Variants in RBFOX1 observed in about 807,000 individuals in gnomAD.
RBFOX1 encodes RNA binding protein fox-1 homolog 1.
In RBFOX1, 8 loss-of-function variants were observed where a neutral mutation model predicts 57.7. That is an observed-to-expected ratio of 0.14 (90% CI 0.08 to 0.25). The LOEUF is 0.25. Among genes scored for constraint, RBFOX1 ranks in the 10% least tolerant of loss-of-function variants. The pLI is 1.00. For synonymous variants in RBFOX1, 326 were observed against 222.4 expected, an observed-to-expected ratio of 1.47 and a Z score of -4.15; for missense variants, 611 against 548.5, an observed-to-expected ratio of 1.11 and a Z score of -1.14.
intron 1 of RBFOX1, among the ~76,000 whole-genome samples, chr16:6,100,575 A>G (rs2096294040): frequency 6.6e-6 from 1 of 152,238 alleles, no homozygotes; most frequent in Non-Finnish European, 1.5e-5. Flanking sequence ...AAAGTTCAAG[A>G]TGATCAGTTT....
chr16:5,275,286 A>T (rs868236171), intron 1 of RBFOX1, among the ~76,000 whole-genome samples: 38 of 152,316 alleles, frequency 2.5e-4, no homozygotes, highest in African/African-American at 8.4e-4. Flanking sequence ...AACATTGATC[A>T]TTTCTTTGTG....
At chr16:7,169,135 G>A (rs1340165151) in intron 4 of RBFOX1, among the ~76,000 whole-genome samples, 2 of 152,176 alleles carry the variant, frequency 1.3e-5, no homozygotes, top group African/African-American at 4.8e-5. Context: ...CACCTATTAA[G>A]AAGGCAACAC....
chr16:5,989,163 A>AT (rs2060339136), intron 4 of RBFOX1, among the ~76,000 whole-genome samples: 1 of 151,670 alleles, frequency 6.6e-6, no homozygotes, highest in Admixed American at 6.6e-5. Flanking sequence ...TACTAAAAAA[A>AT]AAAAAAAAAT....
intron 4 of RBFOX1, among the ~76,000 whole-genome samples, chr16:7,154,383 A>G (rs528001381): frequency 6.6e-6 from 1 of 152,318 alleles, no homozygotes; most frequent in Admixed American, 6.5e-5. Flanking sequence ...AGTGTGACAC[A>G]CATTTCATGT....
chr16:7,295,535 C>T (rs2095871773), intron 4 of RBFOX1, among the ~76,000 whole-genome samples: 1 of 152,066 alleles, frequency 6.6e-6, no homozygotes, highest in African/African-American at 2.4e-5. Context: ...TATCATTATT[C>T]TCCTTAGAAT....
intron 4 of RBFOX1, among the ~76,000 whole-genome samples, chr16:7,213,290 G>C (rs1300325647): frequency 6.6e-6 from 1 of 152,132 alleles, no homozygotes; most frequent in Admixed American, 6.5e-5. Flanking sequence ...CATTCGCTGA[G>C]GTTGCCTTAA....
At chr16:5,406,792 A>G (rs1383319391) in intron 1 of RBFOX1, among the ~76,000 whole-genome samples, 1 of 152,136 alleles carries the variant, frequency 6.6e-6, no homozygotes, top group Non-Finnish European at 1.5e-5. Flanking sequence ...GTGAACTCTC[A>G]TGAATACAAT....
chr16:6,424,605 C>CTG (rs1228638690), intron 2 of RBFOX1, among the ~76,000 whole-genome samples: 57 of 14,278 alleles, frequency 4.0e-3, no homozygotes, highest in African/African-American at 9.7e-3. Context: ...CTTAAGAGCA[C>CTG]TGTGTGTGTG....
chr16:6,911,883 C>G (rs372297425), intron 3 of RBFOX1, among the ~76,000 whole-genome samples: 2 of 152,192 alleles, frequency 1.3e-5, no homozygotes, highest in Admixed American at 6.5e-5. Context: ...TATCATAGTA[C>G]AGGTGGTCTT....
At chr16:6,690,704 A>T (rs1265218131) in intron 3 of RBFOX1, among the ~76,000 whole-genome samples, 2 of 151,622 alleles carry the variant, frequency 1.3e-5, no homozygotes, top group Non-Finnish European at 2.9e-5. Context: ...AATCAAAAAC[A>T]ATATTTCTAA....
chr16:7,546,242 G>A (rs907176219), intron 5 of RBFOX1, among the ~76,000 whole-genome samples: 4 of 151,948 alleles, frequency 2.6e-5, no homozygotes, highest in South Asian at 2.1e-4. Context: ...TGGGAGAATC[G>A]TTTGAACCCG....
At chr16:5,881,690 T>G (rs2057767485) in intron 4 of RBFOX1, among the ~76,000 whole-genome samples, 1 of 152,042 alleles carries the variant, frequency 6.6e-6, no homozygotes, top group South Asian at 2.1e-4. Context: ...AAAAAAAAAG[T>G]TTTTTTAAAA....
At chr16:6,016,157 T>G (rs1216216892), upstream of RBFOX1, among the ~76,000 whole-genome samples, 1 of 152,168 alleles carries the variant, frequency 6.6e-6, no homozygotes, top group Non-Finnish European at 1.5e-5. Flanking sequence ...GACCTTTTAG[T>G]TTAATAGAAG....
chr16:7,433,274 G>T (rs2098696523), intron 4 of RBFOX1, among the ~76,000 whole-genome samples: 1 of 152,188 alleles, frequency 6.6e-6, no homozygotes, highest in Admixed American at 6.5e-5. Flanking sequence ...CGGTGAGTAA[G>T]GGTCCAGTTC....
At chr16:6,554,114 G>C (rs768488954) in intron 2 of RBFOX1, among the ~76,000 whole-genome samples, 10 of 152,168 alleles carry the variant, frequency 6.6e-5, no homozygotes, top group Non-Finnish European at 1.5e-4. Flanking sequence ...AAATAACAAA[G>C]TGTTAAAGAA....
At chr16:6,034,556 C>A (rs968258533) in intron 1 of RBFOX1, among the ~76,000 whole-genome samples, 6 of 151,820 alleles carry the variant, frequency 4.0e-5, no homozygotes, top group African/African-American at 1.2e-4. Context: ...TCTCTCCAAC[C>A]TTTGGGTAAG....
rs200948534 is a variant in RBFOX1, at chr16:6,584,010, AAAAG to A, written c.-63-70589_-63-70586del. Among the ~76,000 whole-genome samples the A allele has an allele frequency of 4.0e-3, 607 of 151,996 alleles. 4 individuals carry two copies. The highest frequency in any genetic ancestry group is 0.014 in the African/African-American group (580 of 41,498). Reference sequence around the variant, plus strand: ...CAACGACAACAACATTTAAAAAAAAAAAAGAAACTCAAAATTGTAGGATTCCTTA... The same window carrying A: ...CAACGACAACAACATTTAAAAAAAAAAAACTCAAAATTGTAGGATTCCTTA... On this transcript the variant is annotated intron_variant, in intron 2 of 15. Coordinates refer to ENST00000550418, the MANE Select transcript of RBFOX1 (RefSeq NM_018723.4).
intron 3 of RBFOX1, among the ~76,000 whole-genome samples, chr16:6,859,133 A>ACGTATG (rs1419261340): frequency 9.7e-6 from 1 of 103,508 alleles, no homozygotes; most frequent in South Asian, 3.3e-4. Flanking sequence ...ATATATACAT[A>ACGTATG]TATATACGTA....
intron 3 of RBFOX1, among the ~76,000 whole-genome samples, chr16:7,040,957 C>T (rs1368810287): frequency 6.6e-6 from 1 of 151,718 alleles, no homozygotes; most frequent in African/African-American, 2.4e-5. Context: ...GCTCTGTCCC[C>T]CAGGCTGGAG....
Sources: gnomAD v4.1 joint callset for allele counts (sites outside exome capture counted in the v4.1 genomes callset) on GRCh38, gnomAD v4.1.1 for gene constraint, MANE v1.5 for transcripts, NCBI Gene and HGNC (gene_info 2026-07-23, HGNC 2026-07-21) for gene names.